Variants in CPVL observed in about 807,000 individuals in gnomAD.
CPVL encodes carboxypeptidase vitellogenic like, also known as probable serine carboxypeptidase CPVL.
In CPVL, 51 loss-of-function variants were observed where a neutral mutation model predicts 63.7. That is an observed-to-expected ratio of 0.80 (90% CI 0.64 to 1.01). The LOEUF is 1.01. Among genes scored for constraint, CPVL ranks in the 50% least tolerant of loss-of-function variants. CPVL has a pLI of 0.00. For synonymous variants in CPVL, 195 were observed against 206.0 expected (o/e 0.95, Z 0.46); for missense variants, 530 against 573.1 (o/e 0.92, Z 0.77).
rs561965854 is a variant in CPVL at position 29,044,039 on chromosome 7, T to G, written c.1138-13280A>C. 1.4e-4 allele frequency among the ~76,000 whole-genome samples: 22 copies of G among 152,220 alleles called. No homozygotes were observed. In the South Asian group the frequency reaches 1.5e-3, roughly 10 times the overall value. On this transcript the variant is annotated intron_variant, in intron 11 of 12. Transcript: ENST00000265394. ...TGATGGAAAAACAAAGACAAAAGCATTGGCTTTCCATTCTGGCTCTAGACC... is the reference window on the plus strand; with the variant it reads ...TGATGGAAAAACAAAGACAAAAGCAGTGGCTTTCCATTCTGGCTCTAGACC...
At chr7:29,010,043 T>C (rs945321451) in intron 12 of CPVL, 4 of 152,286 alleles carry the variant, frequency 2.6e-5, no homozygotes, top group African/African-American at 9.6e-5. Context: ...ATTGGCCCCA[T>C]GTCTGAAAAA....
chr7:29,098,883 A>G lies in CPVL; in HGVS notation c.289-2666T>C, dbSNP rs372156822. ...TTCGAGACCAGCCTGACCAACATGGAGAAACCCCATCTCTACTAAAAATAC... is the reference window on the plus strand; with the variant it reads ...TTCGAGACCAGCCTGACCAACATGGGGAAACCCCATCTCTACTAAAAATAC... On this transcript the variant is annotated intron_variant, in intron 3 of 12. Coordinates refer to ENST00000265394, the MANE Select transcript of CPVL (RefSeq NM_031311.5). Among the ~76,000 whole-genome samples, 26 of 151,876 alleles carry G rather than the reference A, an allele frequency of 1.7e-4. 2 individuals are homozygous for G. The highest frequency in any genetic ancestry group is 6.0e-4 in the African/African-American group (25 of 41,400).
intron 12 of CPVL, among the ~76,000 whole-genome samples, chr7:29,016,461 C>T (rs1455645801): frequency 1.3e-5 from 2 of 152,148 alleles, no homozygotes; most frequent in African/African-American, 4.8e-5. Flanking sequence ...ATGTCATAGA[C>T]CCCCTCCAAT....
intron 9 of CPVL, among the ~76,000 whole-genome samples, chr7:29,066,509 G>A (rs1201174220): frequency 6.6e-6 from 1 of 152,186 alleles, no homozygotes; most frequent in Non-Finnish European, 1.5e-5. Context: ...AGGTCACAGA[G>A]GACCTCACTT....
In CPVL at chr7:29,112,691, G is replaced by A; in HGVS notation, c.288+13C>T. 6.3e-7 allele frequency: 1 copy of A among 1,576,570 alleles called. No homozygotes were observed. Among genetic ancestry groups the A allele is most frequent in the Middle Eastern group, 1.8e-4 (1 of 5,412 alleles). On this transcript the variant is annotated intron_variant, in intron 3 of 12. Transcript: ENST00000265394. ...GGTCTTGAACACTGGTGTTCTTTCT[G>A]TTGGGCACCTACCTGAGCTGGGAAG...
intron 1 of CPVL, among the ~76,000 whole-genome samples, chr7:29,133,208 C>A (rs201919143): frequency 7.9e-4 from 115 of 144,966 alleles, no homozygotes; most frequent in African/African-American, 1.9e-3. Flanking sequence ...AAAAAAAAAA[C>A]AAAAAACGCT....
intron 9 of CPVL, 58 bp from the exon 10 acceptor site, chr7:29,066,179 A>C (rs1259670489): frequency 5.7e-6 from 5 of 870,650 alleles, no homozygotes; most frequent in Non-Finnish European, 9.4e-6. Context: ...GTGGATAAAA[A>C]TGTACAGACA....
chr7:29,108,914 C>A (rs1301278960), intron 3 of CPVL, among the ~76,000 whole-genome samples: 1 of 152,214 alleles, frequency 6.6e-6, no homozygotes, highest in Non-Finnish European at 1.5e-5. Context: ...CTGGATCTAA[C>A]ACATGACGGC....
chr7:29,155,726 C>G (rs2128700478), intron 5 of CPVL, among the ~76,000 whole-genome samples: 1 of 152,348 alleles, frequency 6.6e-6, no homozygotes, highest in East Asian at 1.9e-4. Flanking sequence ...CAACCGTGGA[C>G]AGTCCTCCCT....
At chr7:29,034,602 TGTTCCCCCCATGTGTC>T (rs1788337728) in intron 11 of CPVL, among the ~76,000 whole-genome samples, 1 of 152,148 alleles carries the variant, frequency 6.6e-6, no homozygotes, top group South Asian at 2.1e-4. Context: ...CAGTATGTGT[TGTTCCCCCCATGTGTC>T]CATGTGTTCT....
At chr7:29,150,405 A>G (rs1283872228), upstream of CPVL, among the ~76,000 whole-genome samples, 2 of 152,232 alleles carry the variant, frequency 1.3e-5, no homozygotes, top group Admixed American at 6.5e-5. Flanking sequence ...GACAATCAAG[A>G]TTCTAGGCTG....
At chr7:29,169,753 C>T (rs2128722978) in intron 5 of CPVL, among the ~76,000 whole-genome samples, 1 of 152,180 alleles carries the variant, frequency 6.6e-6, no homozygotes, top group Admixed American at 6.5e-5. Context: ...CCACTGTTTG[C>T]TCAGTCAGAG....
In CPVL at chr7:29,172,718, A is replaced by G. The variant is rs577056751; in HGVS notation, c.-11+8572T>C. On this transcript the variant is annotated intron_variant, in intron 5 of 16. Coordinates refer to the CPVL transcript ENST00000409850. ...TACAGTCATCTGACCAACGATTTCA[A>G]GAATCATTAATGTTAATTGGGAAAG... 2.0e-5 allele frequency among the ~76,000 whole-genome samples: 3 copies of G among 152,358 alleles called. No individual in the cohort carries two copies. In the East Asian group the frequency reaches 5.8e-4, roughly 29 times the overall value.
intron 2 of CPVL, among the ~76,000 whole-genome samples, chr7:29,118,863 C>T (rs2128638050): frequency 6.6e-6 from 1 of 152,302 alleles, no homozygotes; most frequent in South Asian, 2.1e-4. Flanking sequence ...TCTGCCTTCC[C>T]ACCTGTGACA....
At chr7:29,036,922 T>C (rs1489436323) in intron 11 of CPVL, among the ~76,000 whole-genome samples, 1 of 152,144 alleles carries the variant, frequency 6.6e-6, no homozygotes, top group East Asian at 1.9e-4. Context: ...CAGTGTACCA[T>C]GATCCCCCAA....
At chr7:29,016,659 C>T (rs926777054) in intron 12 of CPVL, among the ~76,000 whole-genome samples, 6 of 152,294 alleles carry the variant, frequency 3.9e-5, no homozygotes, top group African/African-American at 1.4e-4. Context: ...AGGTCAAGGT[C>T]AAGGTGCAAG....
In CPVL at chr7:29,085,935, G is replaced by A. The variant is rs923045379; in HGVS notation, c.609+549C>T. On this transcript the variant is annotated intron_variant, in intron 7 of 12. Coordinates refer to ENST00000265394, the MANE Select transcript of CPVL (RefSeq NM_031311.5). ...GATGAGGACAACAAACAAGGCAGAT[G>A]ACTGAGCCTACCTAGTGCACCCATG... 3.3e-5 allele frequency among the ~76,000 whole-genome samples: 5 copies of A among 152,328 alleles called. No individual in the cohort carries two copies. The Middle Eastern group carries it at 0.01, about 311-fold the overall frequency.
chr7:29,030,353 T>C lies in CPVL; in HGVS notation c.1320+224A>G, dbSNP rs75296465. Among the ~76,000 whole-genome samples, 1,476 of 152,354 alleles carry C rather than the reference T, an allele frequency of 9.7e-3. 24 individuals carry two copies. Among genetic ancestry groups the C allele is most frequent in the African/African-American group, 0.034 (1,403 of 41,582 alleles). ...ACTGTCTTTTTAATGAATTGTCTCC[T>C]TACCTCTTGAACAATGCCTAAACTT... On this transcript the variant is annotated intron_variant, in intron 12 of 12. Transcript: ENST00000265394.
upstream of CPVL, chr7:29,146,723 A>C: frequency 6.5e-7 from 1 of 1,550,370 alleles, no homozygotes; most frequent in Non-Finnish European, 8.7e-7. Context: ...ATTAATGAAG[A>C]GCATCGGCGG....
Sources: allele counts gnomAD v4.1 joint callset (sites outside exome capture counted in the v4.1 genomes callset), GRCh38; gene constraint gnomAD v4.1.1; transcripts MANE v1.5; gene names NCBI Gene and HGNC (gene_info 2026-07-23, HGNC 2026-07-21).